FOXF1: variants seen among roughly 807,000 people sequenced by gnomAD.
FOXF1 encodes the protein forkhead box protein F1.
In FOXF1, 9 loss-of-function variants were observed where a neutral mutation model predicts 26.6. The observed-to-expected ratio is 0.34, with a 90% CI of 0.20 to 0.59. FOXF1 has a LOEUF of 0.59. Among genes scored for constraint, FOXF1 ranks in the 20% least tolerant of loss-of-function variants. The probability of loss-of-function intolerance (pLI) is 0.83; values close to 1 mark genes in which losing one functional copy is unlikely to be tolerated. For missense variants in FOXF1, 499 were observed against 549.9 expected (o/e 0.91, Z 0.93); for synonymous variants, 330 against 257.7 (o/e 1.28, Z -2.69).
chr16:86,510,691 C>A lies in FOXF1; in HGVS notation c.122C>A (p.Ala41Asp). The A allele has an allele frequency of 6.2e-7, 1 of 1,612,798 alleles. No individual in the cohort carries two copies. The highest frequency in any genetic ancestry group is 8.5e-7 in the Non-Finnish European group (1 of 1,179,888). The change falls in exon 1 of 2, where the codon GCC (alanine) becomes GAC (aspartate). Residue 41 changes from alanine (A) to aspartate (D), a missense_variant. Transcript: ENST00000262426. Reference protein sequence around the residue: ...SGPSKAKKTNAGIRRPEKPPY... With the variant: ...SGPSKAKKTNDGIRRPEKPPY... Reference sequence around the variant, plus strand: ...CCGTCCAAGGCCAAGAAGACCAACGCCGGCATCCGGCGCCCGGAGAAGCCG... The same window carrying A: ...CCGTCCAAGGCCAAGAAGACCAACGACGGCATCCGGCGCCCGGAGAAGCCG...
In FOXF1 at chr16:86,515,094, T is replaced by C. The variant is rs971209506; in HGVS notation, c.*2009T>C. ...GCAAAAGGGCGCTTGGTGGGCCAGG[T>C]GACAGGCACCTTTCCAATCCTGTAA... On this transcript the variant is annotated 3_prime_UTR_variant, in exon 2 of 2. Coordinates refer to ENST00000262426, the MANE Select transcript of FOXF1 (RefSeq NM_001451.3). This position sits in a 1 kb window ranked among gnomAD's most constrained non-coding sequence, Gnocchi z 4.1. 3 of 152,208 alleles carry C rather than the reference T, an allele frequency of 2.0e-5. No individual in the cohort carries two copies. Among genetic ancestry groups the C allele is most frequent in the Non-Finnish European group, 4.4e-5 (3 of 68,042 alleles). The allele number at this position is 152,208 out of a possible 1,614,324, so 9.4% of individuals were successfully genotyped here.
intron 1 of FOXF1, among the ~76,000 whole-genome samples, chr16:86,512,431 G>A (rs1969580041): frequency 6.6e-6 from 1 of 152,218 alleles, no homozygotes; most frequent in Admixed American, 6.5e-5. Flanking sequence ...CCTCTCTGCG[G>A]GGGACTCCCC....
chr16:86,514,681 T>C lies in FOXF1; in HGVS notation c.*1596T>C, dbSNP rs1057439751. On this transcript the variant is annotated 3_prime_UTR_variant, in exon 2 of 2. Transcript: ENST00000262426. ...ACTATTTTTCTTGGCTTCTGTTTTT[T>C]AAGAAGAGCCCTTTGCCCCTCTAAA... 1 of 152,220 alleles carries C rather than the reference T, an allele frequency of 6.6e-6. No individual in the cohort carries two copies. The highest frequency in any genetic ancestry group is 2.4e-5 in the African/African-American group (1 of 41,464). 9.4% of individuals were successfully genotyped at this position (152,220 alleles called of 1,614,324 possible).
Position 86,511,991 on chromosome 16 carries a change from G to T in FOXF1, c.979+443G>T, listed in dbSNP as rs1019813033. Among the ~76,000 whole-genome samples, 34 of 152,338 alleles carry T rather than the reference G, an allele frequency of 2.2e-4. 1 individual carries two copies. Among genetic ancestry groups the T allele is most frequent in the Admixed American group, 2.1e-3 (32 of 15,308 alleles). ...GGCTGCCTCTGCCTGGGGCTGGGCG[G>T]AACGGAAGGTGTTAGGCCCAAAGCC... On this transcript the variant is annotated intron_variant, in intron 1 of 1. Transcript: ENST00000262426.
At position 86,513,096 on chromosome 16, in the gene FOXF1, G is replaced by T. The variant is rs368108218; in HGVS notation, c.*11G>T. ...CCTTGCGTGATGTGAGGCTGCCGCC[G>T]CAGGCCCTCCTGGTGCAGGCAGGCG... On this transcript the variant is annotated 3_prime_UTR_variant, in exon 2 of 2. Coordinates refer to ENST00000262426, the MANE Select transcript of FOXF1 (RefSeq NM_001451.3). 100 of 1,609,458 alleles carry T rather than the reference G, an allele frequency of 6.2e-5. No homozygotes were observed. The African/African-American group carries it at 1.1e-3, about 17-fold the overall frequency.
intron 1 of FOXF1, among the ~76,000 whole-genome samples, chr16:86,511,918 G>A (rs938188149): frequency 2.6e-5 from 4 of 152,206 alleles, no homozygotes; most frequent in Non-Finnish European, 5.9e-5. Context: ...TCCCAGCGCT[G>A]GCCAGATGGC....
intron 1 of FOXF1, among the ~76,000 whole-genome samples, chr16:86,511,908 T>C (rs1464973478): frequency 6.6e-6 from 1 of 152,184 alleles, no homozygotes; most frequent in Non-Finnish European, 1.5e-5. Context: ...GACCCAAGGC[T>C]CCCAGCGCTG....
rs116360951 is a variant in FOXF1 at position 86,512,839 on chromosome 16, G to A, written c.980-86G>A. The stretch of plus-strand genomic sequence containing the variant: ...GGCTGACAGGCCCTGTGCGCCCCAC[G>A]GGAGCACTGCTCCTCTGCCTGAACT... On this transcript the variant is annotated intron_variant, in intron 1 of 1. Transcript: ENST00000262426. The A allele has an allele frequency of 2.8e-4, 433 of 1,526,850 alleles. No individual in the cohort carries two copies. In the African/African-American group the frequency reaches 5.1e-3, roughly 18 times the overall value. 94.6% of individuals were successfully genotyped at this position (1,526,850 alleles called of 1,614,324 possible).
In FOXF1 at chr16:86,511,228, G is replaced by A; in HGVS notation, c.659G>A (p.Gly220Asp). 6.5e-7 allele frequency: 1 copy of A among 1,533,754 alleles called. No homozygotes were observed. The highest frequency in any genetic ancestry group is 8.7e-7 in the Non-Finnish European group (1 of 1,145,894). ...TCGGTGCCCCACCTGCCTTCCAACGGCGGCCACTCGTACATGGGCGGCTGC... is the reference window on the plus strand; with the variant it reads ...TCGGTGCCCCACCTGCCTTCCAACGACGGCCACTCGTACATGGGCGGCTGC... The part of the protein sequence containing the change: ...SHSVPHLPSN[G>D]GHSYMGGCGG... Residue 220 changes from glycine (G) to aspartate (D), a missense_variant, in exon 1 of 2, where the codon GGC (glycine) becomes GAC (aspartate). By Grantham distance (94) the Gly-to-Asp change is moderately conservative. This residue lies in a region of FOXF1 where 367 missense variants were observed against 324.8 expected (regional missense o/e 1.13). Transcript: ENST00000262426.
At chr16:86,511,928 C>A (rs979418879) in intron 1 of FOXF1, among the ~76,000 whole-genome samples, 8 of 152,198 alleles carry the variant, frequency 5.3e-5, no homozygotes, top group Non-Finnish European at 1.5e-5. Context: ...GGCCAGATGG[C>A]TGTCCCTCCC....
Position 86,510,851 on chromosome 16 carries a change from C to T in FOXF1, c.282C>T (p.Asn94=). The change falls in exon 1 of 2, where the codon AAC becomes AAT. Residue 94 remains asparagine (N), a synonymous_variant. Coordinates refer to ENST00000262426, the MANE Select transcript of FOXF1 (RefSeq NM_001451.3). ...GGGGCTCCTACCAGGGCTGGAAGAA[C>T]TCCGTGCGCCACAACCTCTCGCTCA... ...FFRGSYQGWK[N]SVRHNLSLNE... is the part of the protein sequence containing the mutation. 6.2e-7 allele frequency: 1 copy of T among 1,614,098 alleles called. No homozygotes were observed. The highest frequency in any genetic ancestry group is 8.5e-7 in the Non-Finnish European group (1 of 1,180,034).
Position 86,510,623 on chromosome 16 carries a change from C to A in FOXF1, c.54C>A (p.Gly18=). Residue 18 remains glycine (G), a synonymous_variant, in exon 1 of 2, where the codon GGC becomes GGA. Coordinates refer to ENST00000262426, the MANE Select transcript of FOXF1 (RefSeq NM_001451.3). The stretch of plus-strand genomic sequence containing the variant: ...CACCGCACGGCGGCGGCGGCGGCGG[C>A]GGCGGGGGAGGCGGCGCGGCCATGG... ...QQPPHGGGGG[G]GGGGGAAMDP... 1 of 1,397,346 alleles carries A rather than the reference C, an allele frequency of 7.2e-7. No individual in the cohort carries two copies. Among genetic ancestry groups the A allele is most frequent in the Admixed American group, 3.6e-5 (1 of 28,090 alleles). The allele number at this position is 1,397,346 out of a possible 1,614,324, so 86.6% of individuals were successfully genotyped here.
At chr16:86,512,414 T>C (rs2143189817) in intron 1 of FOXF1, among the ~76,000 whole-genome samples, 1 of 152,300 alleles carries the variant, frequency 6.6e-6, no homozygotes, top group South Asian at 2.1e-4. Context: ...CTGGAGGCCT[T>C]AGGCAGCCTC....
rs963621822 is a variant in FOXF1 at position 86,515,277 on chromosome 16, C to T, written c.*2192C>T. The T allele has an allele frequency of 6.6e-6, 1 of 152,010 alleles. No homozygotes were observed. Among genetic ancestry groups the T allele is most frequent in the African/African-American group, 2.4e-5 (1 of 41,376 alleles). 9.4% of individuals were successfully genotyped at this position (152,010 alleles called of 1,614,324 possible). On this transcript the variant is annotated 3_prime_UTR_variant, in exon 2 of 2. Transcript: ENST00000262426. The surrounding 1 kb of genome is among the most constrained non-coding windows in gnomAD (Gnocchi z 4.1). Reference sequence around the variant, plus strand: ...GTTGGTGCGGTCCTTCCAGACCCACCGCAGTGTCTTGCGTCGTGGGGTCGT... The same window carrying T: ...GTTGGTGCGGTCCTTCCAGACCCACTGCAGTGTCTTGCGTCGTGGGGTCGT...
At position 86,513,104 on chromosome 16, in the gene FOXF1, T is replaced by A. The variant is rs778520810; in HGVS notation, c.*19T>A. Reference sequence around the variant, plus strand: ...GATGTGAGGCTGCCGCCGCAGGCCCTCCTGGTGCAGGCAGGCGGGTCACAG... The same window carrying A: ...GATGTGAGGCTGCCGCCGCAGGCCCACCTGGTGCAGGCAGGCGGGTCACAG... On this transcript the variant is annotated 3_prime_UTR_variant, in exon 2 of 2. Coordinates refer to ENST00000262426, the MANE Select transcript of FOXF1 (RefSeq NM_001451.3). The A allele has an allele frequency of 6.2e-7, 1 of 1,608,126 alleles. No individual in the cohort carries two copies. Among genetic ancestry groups the A allele is most frequent in the Non-Finnish European group, 8.5e-7 (1 of 1,179,546 alleles).
Position 86,513,509 on chromosome 16 carries a change from T to A in FOXF1, c.*424T>A, listed in dbSNP as rs148855296. The A allele has an allele frequency of 7.2e-4, 130 of 179,918 alleles. 1 individual carries two copies. The highest frequency in any genetic ancestry group is 3.0e-3 in the African/African-American group (125 of 42,004). The allele number at this position is 179,918 out of a possible 1,614,324, so 11.1% of individuals were successfully genotyped here. On this transcript the variant is annotated 3_prime_UTR_variant, in exon 2 of 2. Coordinates refer to ENST00000262426, the MANE Select transcript of FOXF1 (RefSeq NM_001451.3). ...TGTGAGACCAATCATTATCAAATAC[T>A]TTTATTTTTTGGTTGAGTATTTATC...
At position 86,514,068 on chromosome 16, in the gene FOXF1, T is replaced by A. The variant is rs1969610104; in HGVS notation, c.*983T>A. The A allele has an allele frequency of 6.6e-6, 1 of 152,214 alleles. No homozygotes were observed. Among genetic ancestry groups the A allele is most frequent in the African/African-American group, 2.4e-5 (1 of 41,464 alleles). The allele number at this position is 152,214 out of a possible 1,614,324, so 9.4% of individuals were successfully genotyped here. A position where few individuals can be genotyped will look rare whatever the true frequency, so the allele number is the denominator to read the frequency against. ...TTATTCTACTTTCTTTCCCTAATAA[T>A]CAAAACACCGCGTAGGCTCCTCCGT... On this transcript the variant is annotated 3_prime_UTR_variant, in exon 2 of 2. Coordinates refer to ENST00000262426, the MANE Select transcript of FOXF1 (RefSeq NM_001451.3).
In FOXF1 at chr16:86,513,772, C is replaced by G. The variant is rs1969605663; in HGVS notation, c.*687C>G. 6.6e-6 allele frequency: 1 copy of G among 152,310 alleles called. No individual in the cohort carries two copies. The highest frequency in any genetic ancestry group is 1.5e-5 in the Non-Finnish European group (1 of 68,100). 9.4% of individuals were successfully genotyped at this position (152,310 alleles called of 1,614,324 possible). Reference sequence around the variant, plus strand: ...TCAAAGGAGCCACGAAGCAAGCGGCCGTCCGGGCGTCCGCCTCCGTCCCCT... The same window carrying G: ...TCAAAGGAGCCACGAAGCAAGCGGCGGTCCGGGCGTCCGCCTCCGTCCCCT... On this transcript the variant is annotated 3_prime_UTR_variant, in exon 2 of 2. Coordinates refer to ENST00000262426, the MANE Select transcript of FOXF1 (RefSeq NM_001451.3).
In FOXF1 at chr16:86,511,075, C is replaced by T. The variant is rs1969555062; in HGVS notation, c.506C>T (p.Thr169Ile). Residue 169 changes from threonine (T) to isoleucine (I), a missense_variant, in exon 1 of 2, where the codon ACC becomes ATC. Physicochemically the swap from Thr to Ile is moderately conservative, Grantham distance 89. This residue lies in a region of FOXF1 where 367 missense variants were observed against 324.8 expected (regional missense o/e 1.13). Coordinates refer to ENST00000262426, the MANE Select transcript of FOXF1 (RefSeq NM_001451.3). ...NGLGFNHLPD[T>I]YGFQGSAGGL... ...CTCGGCTTCAACCACCTCCCGGACA[C>T]CTACGGCTTCCAGGGCTCGGCCGGC... is the stretch of plus-strand genomic sequence containing the variant. The T allele has an allele frequency of 1.9e-6, 3 of 1,609,958 alleles. No individual in the cohort carries two copies. In the East Asian group the frequency reaches 6.7e-5, roughly 36 times the overall value.
Sources: gnomAD v4.1 joint callset for allele counts (sites outside exome capture counted in the v4.1 genomes callset) on GRCh38, gnomAD v4.1.1 for gene constraint, gnomAD v4.1.1 regional missense constraint, Gnocchi (gnomAD v3.1) non-coding constraint, MANE v1.5 for transcripts, NCBI Gene and HGNC (gene_info 2026-07-23, HGNC 2026-07-21) for gene names.